Variants in SH3RF2 observed in about 807,000 individuals in gnomAD.
SH3RF2 encodes the protein E3 ubiquitin-protein ligase SH3RF2.
Under a neutral mutation model 59.0 loss-of-function variants are expected in SH3RF2, and 43 were observed. The observed-to-expected ratio is 0.73, with a 90% CI of 0.57 to 0.94. The LOEUF (loss-of-function observed/expected upper bound fraction) is 0.94, where lower values mean the gene tolerates loss of function less well. SH3RF2 is among the 40% of genes least tolerant of loss of function. The pLI, the probability that SH3RF2 is intolerant of heterozygous loss-of-function variation, is 0.00. For synonymous variants in SH3RF2, 391 were observed against 391.5 expected (o/e 1.00, Z 0.01); for missense variants, 930 against 940.1 (o/e 0.99, Z 0.14).
At chr5:146,068,621 T>C (rs1763160644) in intron 9 of SH3RF2, among the ~76,000 whole-genome samples, 1 of 152,166 alleles carries the variant, frequency 6.6e-6, no homozygotes, top group Admixed American at 6.5e-5. Flanking sequence ...GAATAAATCA[T>C]ACAAGGACAT....
intron 2 of SH3RF2, among the ~76,000 whole-genome samples, chr5:145,999,673 G>A (rs1347218808): frequency 6.6e-6 from 1 of 151,958 alleles, no homozygotes; most frequent in Non-Finnish European, 1.5e-5. Context: ...TTGTGGAGCA[G>A]TCAGAACACA....
At chr5:146,026,288 G>T (rs1032592691) in intron 5 of SH3RF2, among the ~76,000 whole-genome samples, 7 of 152,236 alleles carry the variant, frequency 4.6e-5, no homozygotes, top group African/African-American at 1.7e-4. Context: ...GAGCCACATA[G>T]TCCCAGGTGG....
At position 146,000,207 on chromosome 5, in the gene SH3RF2, CA is replaced by C. The variant is rs757434792; in HGVS notation, c.529del (p.Ser177AlafsTer36). The C allele has an allele frequency of 1.2e-6, 2 of 1,613,458 alleles. No homozygotes were observed. The highest frequency in any genetic ancestry group is 2.7e-5 in the African/African-American group (2 of 74,892). On this transcript the variant is annotated frameshift_variant, in exon 3 of 10. Coordinates refer to ENST00000359120, the MANE Select transcript of SH3RF2 (RefSeq NM_152550.4). LOFTEE classifies it high-confidence loss of function. ...INGISGNFPA[S>X]SVEVIKQLPQ... is the part of the protein sequence containing the mutation. ...ATGGCATCAGCGGGAACTTCCCAGC[CA>C]GCTCCGTGGAAGTCATCAAGCAGCT...
intron 2 of SH3RF2, among the ~76,000 whole-genome samples, chr5:145,993,775 G>A (rs974453084): frequency 1.3e-5 from 2 of 152,220 alleles, no homozygotes; most frequent in Non-Finnish European, 2.9e-5. Flanking sequence ...GATGGGAGGG[G>A]CTGCCATGAA....
chr5:146,043,749 C>T (rs1295836096), intron 5 of SH3RF2: 1 of 152,142 alleles, frequency 6.6e-6, no homozygotes, highest in East Asian at 1.9e-4. Context: ...CTTCAGTGTC[C>T]TGCATCTTTC....
chr5:146,037,456 G>A (rs1389969875), intron 5 of SH3RF2, among the ~76,000 whole-genome samples: 1 of 152,096 alleles, frequency 6.6e-6, no homozygotes, highest in African/African-American at 2.4e-5. Context: ...GTGCTCTAAG[G>A]ACTTGAATTG....
At position 146,069,283 on chromosome 5, in the gene SH3RF2, A is replaced by C. The variant is rs78966192; in HGVS notation, c.*33+6549A>C. Among the ~76,000 whole-genome samples the C allele has an allele frequency of 6.3e-3, 966 of 152,326 alleles. 9 individuals carry two copies. The highest frequency in any genetic ancestry group is 0.022 in the African/African-American group (910 of 41,578). ...TTTCTGGTTTGGAGGAATTTTGTCA[A>C]GAATTTTTCCAACTACATCTGTTTT... On this transcript the variant is annotated intron_variant, in intron 9 of 9. Coordinates refer to the SH3RF2 transcript ENST00000511217.
chr5:145,995,359 T>G (rs6892368), intron 2 of SH3RF2, among the ~76,000 whole-genome samples: 5,705 of 152,204 alleles, frequency 0.037, 344 homozygotes, highest in African/African-American at 0.13. Flanking sequence ...CAATGGAAAA[T>G]TGAGAGGAAG....
chr5:145,974,346 G>A (rs915079088), intron 2 of SH3RF2, among the ~76,000 whole-genome samples: 1 of 152,068 alleles, frequency 6.6e-6, no homozygotes, highest in East Asian at 1.9e-4. Flanking sequence ...ACAAGCCACA[G>A]ATCCCACCTA....
At chr5:146,041,445 A>G (rs1236970470) in intron 5 of SH3RF2, among the ~76,000 whole-genome samples, 1 of 152,242 alleles carries the variant, frequency 6.6e-6, no homozygotes, top group African/African-American at 2.4e-5. Context: ...TGCTTATTGC[A>G]GTAACCCCAG....
chr5:146,064,812 G>C (rs1763050529), downstream of SH3RF2, among the ~76,000 whole-genome samples: 1 of 9,870 alleles, frequency 1.0e-4, no homozygotes, highest in African/African-American at 1.3e-4. Flanking sequence ...AGGAAGGAAA[G>C]AAAGAAAGAA....
chr5:146,034,849 G>A (rs1012808880), intron 5 of SH3RF2, among the ~76,000 whole-genome samples: 1 of 152,200 alleles, frequency 6.6e-6, no homozygotes, highest in African/African-American at 2.4e-5. Context: ...GCTCACACCT[G>A]TAATCCTAGA....
intron 2 of SH3RF2, among the ~76,000 whole-genome samples, chr5:145,951,668 A>G (rs1758198156): frequency 6.6e-6 from 1 of 152,194 alleles, no homozygotes; most frequent in South Asian, 2.1e-4. Context: ...TCTGAACAGC[A>G]ATATTAGAAA....
At chr5:145,975,052 G>A (rs574903833) in intron 2 of SH3RF2, among the ~76,000 whole-genome samples, 4 of 152,304 alleles carry the variant, frequency 2.6e-5, no homozygotes, top group African/African-American at 9.6e-5. Context: ...GCCAAGCTAT[G>A]TCCAGAACCT....
At chr5:146,081,549 A>G (rs1285032123) in exon 10 of SH3RF2, 1 of 152,224 alleles carries the variant, frequency 6.6e-6, no homozygotes, top group Non-Finnish European at 1.5e-5. Context: ...AAAGGGGGCT[A>G]GAGGTCCACT....
At chr5:146,016,867 G>C (rs1761125214) in intron 5 of SH3RF2, among the ~76,000 whole-genome samples, 1 of 152,062 alleles carries the variant, frequency 6.6e-6, no homozygotes, top group East Asian at 1.9e-4. Flanking sequence ...ACCTGAAAAA[G>C]GCTTCCATTT....
exon 10 of SH3RF2, chr5:146,079,293 A>T (rs982178264): frequency 1.3e-5 from 2 of 152,156 alleles, no homozygotes; most frequent in East Asian, 1.9e-4. Flanking sequence ...CTTGTTTTTA[A>T]AAAAAAGACT....
chr5:145,977,335 A>G (rs1002709772), intron 2 of SH3RF2, among the ~76,000 whole-genome samples: 2 of 152,208 alleles, frequency 1.3e-5, no homozygotes, highest in East Asian at 1.9e-4. Context: ...CACCAATCAT[A>G]TACTATTGAT....
intron 2 of SH3RF2, among the ~76,000 whole-genome samples, chr5:145,957,943 T>C (rs1170522623): frequency 6.6e-6 from 1 of 152,028 alleles, no homozygotes; most frequent in East Asian, 1.9e-4. Flanking sequence ...TGAAACCCCG[T>C]CTCTACCAAA....
Sources: allele counts gnomAD v4.1 joint callset (sites outside exome capture counted in the v4.1 genomes callset), GRCh38; gene constraint gnomAD v4.1.1; transcripts MANE v1.5; gene names NCBI Gene and HGNC (gene_info 2026-07-23, HGNC 2026-07-21).